Variants in MYT1L observed in about 807,000 individuals in gnomAD.
MYT1L encodes the protein myelin transcription factor 1 like.
A neutral mutation model predicts 126.7 loss-of-function variants in MYT1L; 12 were observed. That is an observed-to-expected ratio of 0.09 (90% CI 0.06 to 0.15). The LOEUF (loss-of-function observed/expected upper bound fraction) is 0.15. MYT1L is among the 10% of genes least tolerant of loss of function. The pLI is 1.00. For synonymous variants in MYT1L, 541 were observed against 604.2 expected, an observed-to-expected ratio of 0.90 and a Z score of 1.53; for missense variants, 979 against 1,585.2, an observed-to-expected ratio of 0.62 and a Z score of 6.49.
At chr2:2,128,504 T>C (rs771810378) in intron 3 of MYT1L, among the ~76,000 whole-genome samples, 6 of 152,130 alleles carry the variant, frequency 3.9e-5, no homozygotes, top group Non-Finnish European at 7.3e-5. Context: ...CCTAACTTTA[T>C]GGGATGCACA....
intron 3 of MYT1L, among the ~76,000 whole-genome samples, chr2:2,118,452 T>G (rs1258173026): frequency 1.3e-5 from 2 of 152,312 alleles, no homozygotes; most frequent in South Asian, 4.1e-4. Flanking sequence ...ATAACTAAGG[T>G]TGAGATATCA....
chr2:2,255,217 TC>T (rs1476503330), intron 2 of MYT1L, among the ~76,000 whole-genome samples: 1 of 152,148 alleles, frequency 6.6e-6, no homozygotes, highest in Non-Finnish European at 1.5e-5. Flanking sequence ...ATCCTGCAGC[TC>T]CCCGTCCTGA....
At chr2:2,279,793 C>T (rs1056355716) in intron 2 of MYT1L, among the ~76,000 whole-genome samples, 54 of 152,284 alleles carry the variant, frequency 3.5e-4, no homozygotes, top group Admixed American at 2.0e-4. Context: ...TACCCTCAAG[C>T]GGGCAACACT....
At chr2:2,176,495 C>G (rs2090794216) in intron 2 of MYT1L, among the ~76,000 whole-genome samples, 1 of 150,410 alleles carries the variant, frequency 6.6e-6, no homozygotes, top group Admixed American at 6.6e-5. Flanking sequence ...ATATTTAGGA[C>G]ATAACTTTTT....
At chr2:2,184,011 AAGAG>A (rs376535208) in intron 2 of MYT1L, among the ~76,000 whole-genome samples, 5 of 151,004 alleles carry the variant, frequency 3.3e-5, no homozygotes, top group Admixed American at 6.6e-5. Context: ...GAGAAAGAGA[AAGAG>A]AGAAAGAAAG....
At chr2:1,815,139 C>T (rs2037417612) in intron 21 of MYT1L, among the ~76,000 whole-genome samples, 1 of 152,164 alleles carries the variant, frequency 6.6e-6, no homozygotes, top group South Asian at 2.1e-4. Context: ...CCTGGGAGAA[C>T]AGGTGAGGTT....
chr2:1,902,945 C>G, intron 14 of MYT1L, 135 bp downstream of exon 14: 1 of 784,680 alleles, frequency 1.3e-6, no homozygotes, highest in Admixed American at 2.2e-5. Flanking sequence ...CTGGGCTGTG[C>G]TATGAAAGTC....
At chr2:1,891,561 C>T (rs1215677695) in intron 15 of MYT1L, among the ~76,000 whole-genome samples, 1 of 152,168 alleles carries the variant, frequency 6.6e-6, no homozygotes, top group African/African-American at 2.4e-5. Flanking sequence ...CACGGCTGAT[C>T]CCTTGGTGTG....
At chr2:2,040,098 AC>A (rs1487394234) in intron 4 of MYT1L, among the ~76,000 whole-genome samples, 11 of 152,190 alleles carry the variant, frequency 7.2e-5, no homozygotes, top group Non-Finnish European at 4.4e-5. Context: ...TGTGCTGATC[AC>A]AGCTGGCGAT....
At chr2:1,857,975 G>C (rs553005219) in intron 18 of MYT1L, among the ~76,000 whole-genome samples, 2 of 151,952 alleles carry the variant, frequency 1.3e-5, no homozygotes, top group East Asian at 3.9e-4. Flanking sequence ...TGATTCTCCT[G>C]TCTCAGCCTT....
intron 3 of MYT1L, among the ~76,000 whole-genome samples, chr2:2,078,070 T>C (rs551442878): frequency 1.5e-4 from 23 of 152,180 alleles, no homozygotes; most frequent in Admixed American, 3.9e-4. Flanking sequence ...TGGAAGAATA[T>C]GGTAACAAAG....
chr2:2,199,701 A>C (rs1437778948), intron 2 of MYT1L, among the ~76,000 whole-genome samples: 4 of 152,078 alleles, frequency 2.6e-5, no homozygotes, highest in African/African-American at 9.7e-5. Context: ...CTTGGGTCTT[A>C]CTGATGGAGC....
intron 1 of MYT1L, among the ~76,000 whole-genome samples, chr2:2,316,485 T>C (rs1034383717): frequency 2.0e-5 from 3 of 152,224 alleles, no homozygotes; most frequent in African/African-American, 7.2e-5. Context: ...CCAATGGGGC[T>C]ATTTCCTTAA....
At chr2:2,090,105 A>G (rs1373126925) in intron 3 of MYT1L, among the ~76,000 whole-genome samples, 1 of 152,210 alleles carries the variant, frequency 6.6e-6, no homozygotes, top group Admixed American at 6.5e-5. Flanking sequence ...CTATAAAGTC[A>G]GAGCAAACAG....
intron 24 of MYT1L, 148 bp from the exon 25 acceptor site, chr2:1,792,155 A>G (rs2032212938): frequency 1.6e-6 from 2 of 1,225,718 alleles, no homozygotes; most frequent in Non-Finnish European, 2.2e-6. Context: ...TTCTGGGGTC[A>G]GCCCCGCCCA....
intron 8 of MYT1L, among the ~76,000 whole-genome samples, chr2:1,948,717 G>A (rs1260969305): frequency 8.2e-6 from 1 of 122,474 alleles, no homozygotes; most frequent in Non-Finnish European, 1.8e-5. Flanking sequence ...AGCTCACCCT[G>A]TCAGTGCCTC....
intron 1 of MYT1L, among the ~76,000 whole-genome samples, chr2:2,299,938 A>T (rs1372672332): frequency 6.6e-6 from 1 of 152,182 alleles, no homozygotes; most frequent in Non-Finnish European, 1.5e-5. Context: ...TTTAAAGCAA[A>T]GGGAAAAAAA....
At chr2:2,321,142 T>C (rs2096157384) in intron 1 of MYT1L, among the ~76,000 whole-genome samples, 2 of 152,236 alleles carry the variant, frequency 1.3e-5, no homozygotes, top group African/African-American at 2.4e-5. Context: ...GGTGCAGAGA[T>C]AGAATCAATT....
chr2:2,175,590 G>C (rs1463652431), intron 2 of MYT1L, among the ~76,000 whole-genome samples: 2 of 151,050 alleles, frequency 1.3e-5, no homozygotes, highest in Non-Finnish European at 2.9e-5. Flanking sequence ...AGACACCACC[G>C]TAAGGAGAAG....
Sources: allele counts gnomAD v4.1 joint callset (sites outside exome capture counted in the v4.1 genomes callset), GRCh38; gene constraint gnomAD v4.1.1; transcripts MANE v1.5; gene names NCBI Gene and HGNC (gene_info 2026-07-23, HGNC 2026-07-21).